OPTN: variants seen among roughly 807,000 people sequenced by gnomAD.
OPTN encodes the protein E3-14.7K-interacting protein.
Under a neutral mutation model 70.4 loss-of-function variants are expected in OPTN, and 54 were observed. That is an observed-to-expected ratio of 0.77 (90% CI 0.62 to 0.96). The LOEUF is 0.96. OPTN is among the 40% of genes least tolerant of loss of function. The pLI, the probability that OPTN is intolerant of heterozygous loss-of-function variation, is 0.00. For missense variants in OPTN, 624 were observed against 673.2 expected, an observed-to-expected ratio of 0.93 and a Z score of 0.81; for synonymous variants, 256 against 248.5, an observed-to-expected ratio of 1.03 and a Z score of -0.28.
At chr10:13,109,674 A>T in intron 3 of OPTN, 1 of 166,852 alleles carries the variant, frequency 6.0e-6, no homozygotes. Flanking sequence ...AAAAAATTAA[A>T]AAAAAAAAAA....
At chr10:13,121,316 A>G (rs1833343854) in intron 7 of OPTN, among the ~76,000 whole-genome samples, 1 of 151,772 alleles carries the variant, frequency 6.6e-6, no homozygotes, top group African/African-American at 2.4e-5. Flanking sequence ...TTGCGTAAGA[A>G]TTTTAGGATC....
chr10:13,116,205 T>C (rs1351575988), intron 5 of OPTN, 62 bp from the exon 6 acceptor site: 36 of 1,148,428 alleles, frequency 3.1e-5, no homozygotes, highest in Non-Finnish European at 4.6e-5. Context: ...TTTTCTTCTT[T>C]TGACAAAGAA....
chr10:13,125,840 G>A, intron 10 of OPTN, 106 bp from the exon 11 acceptor site: 2 of 878,414 alleles, frequency 2.3e-6, no homozygotes, highest in Non-Finnish European at 1.9e-6. Flanking sequence ...GATAAAGGTA[G>A]GCGAGAAGAT....
Position 13,136,670 on chromosome 10 carries a change from C to T in OPTN, c.1613-75C>T. 1.3e-6 allele frequency: 2 copies of T among 1,578,452 alleles called. 1 individual carries two copies. Among genetic ancestry groups the T allele is most frequent in the South Asian group, 2.2e-5 (2 of 89,172 alleles). ...GAAGTTGAACTGATGTTAAAACTCGCCATCTGTTCTTCAAGTGAAACAAAC... is the reference window on the plus strand; with the variant it reads ...GAAGTTGAACTGATGTTAAAACTCGTCATCTGTTCTTCAAGTGAAACAAAC... On this transcript the variant is annotated intron_variant, in intron 14 of 14. Transcript: ENST00000378747.
Position 13,114,832 on chromosome 10 carries a change from A to C in OPTN, c.553-1435A>C, listed in dbSNP as rs1588438575. Among the ~76,000 whole-genome samples the C allele has an allele frequency of 3.6e-5, 4 of 111,312 alleles. 2 individuals are homozygous for C. The East Asian group carries it at 1.1e-3, about 29-fold the overall frequency. 73.0% of individuals were successfully genotyped at this position (111,312 alleles called of 152,430 possible). ...TATATAATTATATAATTATATAATT[A>C]TATAATTATATAATTGTATAATATA... On this transcript the variant is annotated intron_variant, in intron 5 of 14. Coordinates refer to ENST00000378747, the MANE Select transcript of OPTN (RefSeq NM_001008212.2).
chr10:13,118,354 C>A (rs749855806), intron 6 of OPTN, among the ~76,000 whole-genome samples: 3 of 152,154 alleles, frequency 2.0e-5, no homozygotes, highest in African/African-American at 7.2e-5. Context: ...ATTTTGAAAT[C>A]GAGAAAAATA....
chr10:13,114,780 A>G (rs1406325715), intron 5 of OPTN, among the ~76,000 whole-genome samples: 1 of 102,874 alleles, frequency 9.7e-6, no homozygotes, highest in Non-Finnish European at 1.8e-5. Context: ...TTATATAATT[A>G]TATAATTATA....
chr10:13,122,596 A>G lies in OPTN; in HGVS notation c.882+109A>G, dbSNP rs489040. 409,297 of 769,450 alleles carry G rather than the reference A, an allele frequency of 0.53. 109,641 individuals carry two copies. The highest frequency in any genetic ancestry group is 0.59 in the Middle Eastern group (2,594 of 4,434). The allele number at this position is 769,450 out of a possible 1,614,324, so 47.7% of individuals were successfully genotyped here. ...TATTTGCTTTAGAAATATAGAAATC[A>G]TGTTGATATTGAATATTATCTATCT... On this transcript the variant is annotated intron_variant, in intron 8 of 14. Transcript: ENST00000378747.
At chr10:13,130,451 A>T (rs1464624171) in intron 12 of OPTN, among the ~76,000 whole-genome samples, 1 of 142,474 alleles carries the variant, frequency 7.0e-6, no homozygotes, top group African/African-American at 2.6e-5. Flanking sequence ...AAAAAAAAAA[A>T]AATCAGACAC....
chr10:13,105,898 G>T (rs1564352775), intron 1 of OPTN, among the ~76,000 whole-genome samples: 2 of 149,054 alleles, frequency 1.3e-5, no homozygotes, highest in Non-Finnish European at 3.0e-5. Flanking sequence ...GACAAAGTGA[G>T]ACTCTGTCTG....
In OPTN at chr10:13,122,377, T is replaced by C; in HGVS notation, c.780-8T>C. 1 of 1,598,190 alleles carries C rather than the reference T, an allele frequency of 6.3e-7. No individual in the cohort carries two copies. Among genetic ancestry groups the C allele is most frequent in the African/African-American group, 1.3e-5 (1 of 74,760 alleles). On this transcript the variant is annotated splice_polypyrimidine_tract_variant and splice_region_variant and intron_variant, in intron 7 of 14. Transcript: ENST00000378747. ...AAAGTAACTTTTCTATCTTCTGTGA[T>C]TTTCCAGAGTTTCAGATTTTGAAAA...
At position 13,137,265 on chromosome 10, in the gene OPTN, GGAGA is replaced by G. The variant is rs2131535906; in HGVS notation, c.*400_*403del. On this transcript the variant is annotated 3_prime_UTR_variant, in exon 15 of 15. Transcript: ENST00000378747. The stretch of plus-strand genomic sequence containing the variant: ...CTGCACTCCAGCCTGGGTGACAGAG[GGAGA>G]CTCTGTCTCGAAAGAAAGAAAGAAA... 2.9e-6 allele frequency: 1 copy of G among 341,968 alleles called. No individual in the cohort carries two copies. Among genetic ancestry groups the G allele is most frequent in the East Asian group, 4.8e-5 (1 of 20,646 alleles). 21.2% of individuals were successfully genotyped at this position (341,968 alleles called of 1,614,324 possible). A position where few individuals can be genotyped will look rare whatever the true frequency, so the allele number is the denominator to read the frequency against.
intron 5 of OPTN, among the ~76,000 whole-genome samples, chr10:13,114,098 T>C (rs905436839): frequency 6.6e-6 from 1 of 151,188 alleles, no homozygotes; most frequent in Non-Finnish European, 1.5e-5. Context: ...AGAAAAAAAA[T>C]TGTGTCCTTG....
intron 14 of OPTN, among the ~76,000 whole-genome samples, chr10:13,135,115 A>G (rs1295817458): frequency 1.3e-5 from 2 of 152,238 alleles, no homozygotes; most frequent in Admixed American, 1.3e-4. Flanking sequence ...TGTACTTAGA[A>G]GCAAATAAAG....
rs754267730 is a variant in OPTN, at chr10:13,116,358, C to G, written c.626+18C>G. ...ACTGGCACGTATGTGAAGGAAGACTCGGGCTGTCAGGCAGACAGGCTGGGC... is the reference window on the plus strand; with the variant it reads ...ACTGGCACGTATGTGAAGGAAGACTGGGGCTGTCAGGCAGACAGGCTGGGC... On this transcript the variant is annotated intron_variant, in intron 6 of 14. Coordinates refer to ENST00000378747, the MANE Select transcript of OPTN (RefSeq NM_001008212.2). 24 of 1,600,630 alleles carry G rather than the reference C, an allele frequency of 1.5e-5. No homozygotes were observed. In the South Asian group the frequency reaches 2.2e-4, roughly 15 times the overall value.
chr10:13,124,457 G>A (rs1457972168), intron 9 of OPTN, among the ~76,000 whole-genome samples: 1 of 152,206 alleles, frequency 6.6e-6, no homozygotes, highest in Non-Finnish European at 1.5e-5. Flanking sequence ...GATGAAAAGA[G>A]CATAAAGATC....
chr10:13,108,386 C>T (rs1832912511), intron 2 of OPTN, 97 bp downstream of exon 2: 1 of 152,170 alleles, frequency 6.6e-6, no homozygotes, highest in Admixed American at 6.5e-5. Flanking sequence ...AGATAGAATT[C>T]ACTTACCATG....
chr10:13,125,900 A>ATGATATTT, intron 10 of OPTN, 46 bp from the exon 11 acceptor site: 2 of 1,381,106 alleles, frequency 1.4e-6, no homozygotes, highest in Non-Finnish European at 2.1e-6. Context: ...ATAAGTTTCT[A>ATGATATTT]TGATATTTTC....
intron 12 of OPTN, among the ~76,000 whole-genome samples, 164 bp from the exon 13 acceptor site, chr10:13,131,903 G>A (rs1833600269): frequency 1.3e-5 from 2 of 152,164 alleles, no homozygotes; most frequent in Admixed American, 6.5e-5. Context: ...CTATCGGAAT[G>A]TACCTGGAAA....
Sources: allele counts gnomAD v4.1 joint callset (sites outside exome capture counted in the v4.1 genomes callset), GRCh38; gene constraint gnomAD v4.1.1; transcripts MANE v1.5; gene names NCBI Gene and HGNC (gene_info 2026-07-23, HGNC 2026-07-21).